Variants in SHCBP1L observed in about 807,000 individuals in gnomAD.
The protein encoded by SHCBP1L is testicular spindle-associated protein SHCBP1L.
SHCBP1L carries 67 observed loss-of-function variants against 62.5 expected under a neutral mutation model. The observed-to-expected ratio is 1.07, with a 90% CI of 0.88 to 1.31. The LOEUF (loss-of-function observed/expected upper bound fraction) is 1.31. Ranked by LOEUF, SHCBP1L falls within the 40% of genes most tolerant of loss-of-function variation. SHCBP1L has a pLI of 0.00. For synonymous variants in SHCBP1L, 284 were observed against 289.4 expected (o/e 0.98, Z 0.19); for missense variants, 823 against 809.8 (o/e 1.02, Z -0.20).
intron 1 of SHCBP1L, 114 bp from the exon 2 acceptor site, chr1:182,951,581 T>A: frequency 1.5e-6 from 1 of 663,036 alleles, no homozygotes; most frequent in Non-Finnish European, 2.2e-6. Flanking sequence ...AATATAGCCT[T>A]AAATAATGAA....
chr1:182,903,353 A>G (rs1242926862), intron 8 of SHCBP1L, among the ~76,000 whole-genome samples, 192 bp from the exon 9 acceptor site: 1 of 152,192 alleles, frequency 6.6e-6, no homozygotes. Context: ...AATATCTGTT[A>G]GAGAGTCATT....
chr1:182,903,285 G>A lies in SHCBP1L; in HGVS notation c.1588-124C>T, dbSNP rs555150327. On this transcript the variant is annotated intron_variant, in intron 8 of 9. Coordinates refer to ENST00000367547, the MANE Select transcript of SHCBP1L (RefSeq NM_030933.4). ...TAAACATTGAGTTACGTGCAAATACGTGATCATGCATGCAACTGTTAATTG... is the reference window on the plus strand; with the variant it reads ...TAAACATTGAGTTACGTGCAAATACATGATCATGCATGCAACTGTTAATTG... 70 of 710,560 alleles carry A rather than the reference G, an allele frequency of 9.9e-5. No individual in the cohort carries two copies. The South Asian group carries it at 2.4e-3, about 24-fold the overall frequency. 44.0% of individuals were successfully genotyped at this position (710,560 alleles called of 1,614,324 possible). A position where few individuals can be genotyped will look rare whatever the true frequency, so the allele number is the denominator to read the frequency against.
chr1:182,939,602 G>T, intron 3 of SHCBP1L, 49 bp from the exon 4 acceptor site: 1 of 1,305,644 alleles, frequency 7.7e-7, no homozygotes, highest in Non-Finnish European at 1.1e-6. Context: ...AGCCACTACT[G>T]ATTTAGAGCT....
chr1:182,904,528 T>TGTGC (rs1649945225), intron 7 of SHCBP1L, 98 bp from the exon 8 acceptor site: 1 of 1,125,054 alleles, frequency 8.9e-7, no homozygotes, highest in Admixed American at 2.2e-5. Flanking sequence ...AGTTTTTCCC[T>TGTGC]GTGTGCGTGT....
At chr1:182,946,186 A>G (rs989185834) in intron 2 of SHCBP1L, among the ~76,000 whole-genome samples, 2 of 152,022 alleles carry the variant, frequency 1.3e-5, no homozygotes, top group Non-Finnish European at 2.9e-5. Context: ...AGTATTCCCA[A>G]ATTTCATTAT....
At chr1:182,921,025 T>A (rs1478033890) in intron 6 of SHCBP1L, among the ~76,000 whole-genome samples, 1 of 151,690 alleles carries the variant, frequency 6.6e-6, no homozygotes, top group Non-Finnish European at 1.5e-5. Flanking sequence ...AAAAGCAGAG[T>A]ACCCCTATGA....
At position 182,929,725 on chromosome 1, in the gene SHCBP1L, A is replaced by G; in HGVS notation, c.1104T>C (p.Ile368=). Residue 368 remains isoleucine (I), a synonymous_variant, in exon 6 of 10, where the codon ATT becomes ATC. Coordinates refer to ENST00000367547, the MANE Select transcript of SHCBP1L (RefSeq NM_030933.4). ...LRVHGPFFPR[I]LRRRKGKREF... is the part of the protein sequence containing the mutation. ...CTCTTTTTCCTTTCCTACGCCTCAG[A>G]ATTCTTGGAAAGAAAGGTCCATGAA... 6.3e-7 allele frequency: 1 copy of G among 1,590,712 alleles called. No individual in the cohort carries two copies. Among genetic ancestry groups the G allele is most frequent in the Non-Finnish European group, 8.5e-7 (1 of 1,174,208 alleles).
intron 6 of SHCBP1L, among the ~76,000 whole-genome samples, chr1:182,909,556 C>T (rs1215505655): frequency 6.6e-6 from 1 of 152,180 alleles, no homozygotes; most frequent in Non-Finnish European, 1.5e-5. Flanking sequence ...TGGGTTTGAA[C>T]TGCATAGACC....
Position 182,900,087 on chromosome 1 carries a change from CTTTT to C in SHCBP1L, c.1854_1857del (p.Lys619MetfsTer8). Reference sequence around the variant, plus strand: ...ATTACTTTGAAGAGCATTTTATCATCTTTTTTATCTCCTGAAGAAGCCCTTTTGT... The same window carrying C: ...ATTACTTTGAAGAGCATTTTATCATCTTATCTCCTGAAGAAGCCCTTTTGT... On this transcript the variant is annotated frameshift_variant, in exon 10 of 10. Transcript: ENST00000367547. LOFTEE classifies it high-confidence loss of function. 1 of 1,612,604 alleles carries C rather than the reference CTTTT, an allele frequency of 6.2e-7. No individual in the cohort carries two copies.
intron 9 of SHCBP1L, among the ~76,000 whole-genome samples, chr1:182,900,503 G>A (rs1396576512): frequency 6.6e-6 from 1 of 152,064 alleles, no homozygotes; most frequent in African/African-American, 2.4e-5. Context: ...CACAGTCTTG[G>A]CTCACTGCAA....
chr1:182,939,647 A>T (rs1651293675), intron 3 of SHCBP1L, 94 bp from the exon 4 acceptor site: 3 of 920,368 alleles, frequency 3.3e-6, no homozygotes, highest in South Asian at 1.8e-5. Context: ...TCTCTACCTC[A>T]ATCTTAATTC....
Position 182,953,079 on chromosome 1 carries a change from G to T in SHCBP1L, c.55C>A (p.Pro19Thr). The change falls in exon 1 of 10, where the codon CCG (proline) becomes ACG (threonine). Residue 19 changes from proline (P) to threonine (T), a missense_variant. Coordinates refer to ENST00000367547, the MANE Select transcript of SHCBP1L (RefSeq NM_030933.4). ...GCGGACTTCTCGCCTCGCCTGTCCGGGCTGATGGTGCGGAATGAGTCCGCG... is the reference window on the plus strand; with the variant it reads ...GCGGACTTCTCGCCTCGCCTGTCCGTGCTGATGGTGCGGAATGAGTCCGCG... Reference protein sequence around the residue: ...VPADSFRTISPDRRGEKSASA... With the variant: ...VPADSFRTISTDRRGEKSASA... 6.4e-7 allele frequency: 1 copy of T among 1,559,634 alleles called. No individual in the cohort carries two copies. Among genetic ancestry groups the T allele is most frequent in the East Asian group, 2.3e-5 (1 of 42,724 alleles).
rs866143530 is a variant in SHCBP1L, at chr1:182,903,140, G to C, written c.1609C>G (p.Pro537Ala). ...GAQGAGVELY[P>A]GSIAILERNE... ...CTTTCCAAAATAGCTATGCTTCCAGGATACAGTTCAACACCAGCACCCTGT... is the reference window on the plus strand; with the variant it reads ...CTTTCCAAAATAGCTATGCTTCCAGCATACAGTTCAACACCAGCACCCTGT... The change falls in exon 9 of 10, where the codon CCT becomes GCT. Residue 537 changes from proline to alanine, a missense_variant. By Grantham distance (27) the Pro-to-Ala change is conservative. Coordinates refer to ENST00000367547, the MANE Select transcript of SHCBP1L (RefSeq NM_030933.4). 1 of 1,596,770 alleles carries C rather than the reference G, an allele frequency of 6.3e-7. No homozygotes were observed. The highest frequency in any genetic ancestry group is 1.7e-5 in the Admixed American group (1 of 58,060).
chr1:182,952,217 TATATATATATATATATATAC>T (rs1279650303), intron 1 of SHCBP1L, among the ~76,000 whole-genome samples: 19 of 61,376 alleles, frequency 3.1e-4, no homozygotes, highest in East Asian at 1.0e-3. Context: ...TATATATATA[TATATATATATATATATATAC>T]ACACACACAC....
intron 6 of SHCBP1L, among the ~76,000 whole-genome samples, chr1:182,925,543 A>G (rs1196105574): frequency 1.3e-5 from 2 of 152,156 alleles, no homozygotes; most frequent in Admixed American, 1.3e-4. Context: ...AAAGAAAGAG[A>G]AAAAATAAAT....
rs1235603214 is a variant in SHCBP1L at position 182,930,689 on chromosome 1, G to GTATATATATA, written c.1077-938_1077-937insTATATATATA. The stretch of plus-strand genomic sequence containing the variant: ...TGTGTGTGTGTGTGTGTGTGTGTGT[G>GTATATATATA]TGTGTGTGTGTGTGTATATATATAT... On this transcript the variant is annotated intron_variant, in intron 5 of 9. Coordinates refer to ENST00000367547, the MANE Select transcript of SHCBP1L (RefSeq NM_030933.4). Among the ~76,000 whole-genome samples the GTATATATATA allele has an allele frequency of 4.6e-4, 36 of 77,428 alleles. 2 individuals are homozygous for GTATATATATA. The highest frequency in any genetic ancestry group is 3.0e-3 in the African/African-American group (36 of 12,190). 50.8% of individuals were successfully genotyped at this position (77,428 alleles called of 152,430 possible).
At chr1:182,908,692 CA>C (rs1260741744) in intron 6 of SHCBP1L, among the ~76,000 whole-genome samples, 2 of 152,154 alleles carry the variant, frequency 1.3e-5, no homozygotes, top group East Asian at 1.9e-4. Context: ...AATACTATAA[CA>C]GATCCTTATG....
intron 2 of SHCBP1L, 45 bp from the exon 3 acceptor site, chr1:182,940,588 C>T (rs1558003422): frequency 6.7e-7 from 1 of 1,498,746 alleles, no homozygotes. Flanking sequence ...TTATAAATAT[C>T]AGTAAACCGC....
chr1:182,899,989 T>G lies in SHCBP1L; in HGVS notation c.1956A>C (p.Thr652=). Residue 652 remains threonine, a synonymous_variant, in exon 10 of 10, where the codon ACA becomes ACC. Transcript: ENST00000367547. ...ANVKGDIRIV[T]S ...TAACATCAATTCAGACGCTTTAACT[T>G]GTGACTATTCTGATATCCCCCTTGA... 1 of 1,601,472 alleles carries G rather than the reference T, an allele frequency of 6.2e-7. No individual in the cohort carries two copies. Among genetic ancestry groups the G allele is most frequent in the Non-Finnish European group, 8.5e-7 (1 of 1,174,818 alleles).
Sources: gnomAD v4.1 joint callset for allele counts (sites outside exome capture counted in the v4.1 genomes callset) on GRCh38, gnomAD v4.1.1 for gene constraint, MANE v1.5 for transcripts, NCBI Gene and HGNC (gene_info 2026-07-23, HGNC 2026-07-21) for gene names.